MICAL2: variants seen among roughly 807,000 people sequenced by gnomAD.
The protein encoded by MICAL2 is [F-actin]-monooxygenase MICAL2.
In MICAL2, 77 loss-of-function variants were observed where a neutral mutation model predicts 127.3. The ratio of observed to expected loss-of-function variants is 0.60; its 90% CI spans 0.50 to 0.73. The LOEUF (loss-of-function observed/expected upper bound fraction) is 0.73. Among genes scored for constraint, MICAL2 ranks in the 30% least tolerant of loss-of-function variants. MICAL2 has a pLI of 0.00. For synonymous variants in MICAL2, 570 were observed against 551.1 expected (o/e 1.03, Z -0.48); for missense variants, 1,351 against 1,434.4 (o/e 0.94, Z 0.94).
At chr11:12,237,207 A>C (rs1268780865) in intron 16 of MICAL2, among the ~76,000 whole-genome samples, 1 of 152,242 alleles carries the variant, frequency 6.6e-6, no homozygotes, top group African/African-American at 2.4e-5. Flanking sequence ...CTGACAAAGA[A>C]AAACGAGTTC....
downstream of MICAL2, chr11:12,294,739 T>G (rs556800635): frequency 1.9e-6 from 3 of 1,613,376 alleles, no homozygotes; most frequent in South Asian, 1.1e-5. Context: ...CTGAAGATAG[T>G]GCGCAGGCCC....
chr11:12,114,337 A>G (rs1388371919), intron 1 of MICAL2, among the ~76,000 whole-genome samples: 4 of 152,242 alleles, frequency 2.6e-5, no homozygotes, highest in Non-Finnish European at 5.9e-5. Context: ...TAACAGAATT[A>G]ACTGTGCTTC....
At chr11:12,275,577 C>T (rs376582285), upstream of MICAL2, among the ~76,000 whole-genome samples, 25 of 152,244 alleles carry the variant, frequency 1.6e-4, no homozygotes, top group South Asian at 1.7e-3. Flanking sequence ...GTTTCTAGGA[C>T]GGAGTGACCA....
At chr11:12,300,352 A>G (rs1053922534) in intron 29 of MICAL2, among the ~76,000 whole-genome samples, 20 of 152,184 alleles carry the variant, frequency 1.3e-4, no homozygotes, top group African/African-American at 4.8e-4. Context: ...GATGGATTTC[A>G]TTTCATCCCA....
At chr11:12,337,708 T>C (rs1196089156) in intron 32 of MICAL2, among the ~76,000 whole-genome samples, 1 of 152,088 alleles carries the variant, frequency 6.6e-6, no homozygotes, top group Non-Finnish European at 1.5e-5. Flanking sequence ...CATTTCGTTA[T>C]GTACCCAGTA....
intron 3 of MICAL2, among the ~76,000 whole-genome samples, chr11:12,195,160 G>C (rs1176761587): frequency 1.3e-5 from 2 of 152,166 alleles, no homozygotes; most frequent in African/African-American, 4.8e-5. Context: ...GGGAGGTTGA[G>C]GTGGGAGGAT....
chr11:12,119,204 G>A (rs138810633), intron 1 of MICAL2, among the ~76,000 whole-genome samples: 1 of 152,274 alleles, frequency 6.6e-6, no homozygotes, highest in Non-Finnish European at 1.5e-5. Flanking sequence ...GGAGAGTGCT[G>A]TGGGCTGTTT....
intron 1 of MICAL2, among the ~76,000 whole-genome samples, chr11:12,135,619 G>A (rs1276825522): frequency 6.6e-6 from 1 of 152,238 alleles, no homozygotes; most frequent in Non-Finnish European, 1.5e-5. Context: ...TCACAGAGAT[G>A]ATGTGATTTG....
chr11:12,186,290 A>G (rs571312032), intron 3 of MICAL2, among the ~76,000 whole-genome samples: 5 of 152,294 alleles, frequency 3.3e-5, no homozygotes, highest in African/African-American at 9.6e-5. Context: ...GTTTGACTGA[A>G]TAACAGGCTA....
At chr11:12,213,119 C>T in intron 6 of MICAL2, 136 bp from the exon 7 acceptor site, 1 of 1,016,596 alleles carries the variant, frequency 9.8e-7, no homozygotes, top group Non-Finnish European at 1.4e-6. Flanking sequence ...TTTCTGCCCG[C>T]TCCTGTCCAC....
downstream of MICAL2, among the ~76,000 whole-genome samples, chr11:12,268,548 CG>C (rs1375422293): frequency 6.6e-6 from 1 of 152,174 alleles, no homozygotes; most frequent in Non-Finnish European, 1.5e-5. Context: ...CTGGAGGGTG[CG>C]GCCCCCATGC....
At chr11:12,153,519 C>T (rs1206373772) in intron 2 of MICAL2, among the ~76,000 whole-genome samples, 8 of 152,144 alleles carry the variant, frequency 5.3e-5, no homozygotes, top group Non-Finnish European at 1.0e-4. Context: ...CTGACTGCAA[C>T]CTCCACCTCC....
intron 3 of MICAL2, among the ~76,000 whole-genome samples, chr11:12,190,227 G>A (rs966798800): frequency 7.2e-5 from 11 of 152,280 alleles, no homozygotes; most frequent in Admixed American, 7.2e-4. Flanking sequence ...TATCTGGAAG[G>A]CCTCAAAGTT....
chr11:12,355,793 T>A (rs904071247), intron 34 of MICAL2, among the ~76,000 whole-genome samples: 2 of 152,190 alleles, frequency 1.3e-5, no homozygotes, highest in Non-Finnish European at 2.9e-5. Flanking sequence ...CTCCTGTTCT[T>A]TCCCATATGG....
intron 1 of MICAL2, among the ~76,000 whole-genome samples, chr11:12,134,420 C>T (rs1382291116): frequency 6.6e-6 from 1 of 152,190 alleles, no homozygotes; most frequent in African/African-American, 2.4e-5. Flanking sequence ...CCGTTCTCAA[C>T]CAGGAAGCAC....
chr11:12,268,975 G>A (rs1863641101), intron 24 of MICAL2, among the ~76,000 whole-genome samples: 1 of 152,086 alleles, frequency 6.6e-6, no homozygotes, highest in Non-Finnish European at 1.5e-5. Context: ...CTCCAGCCTC[G>A]GCGACGAGCG....
At chr11:12,327,544 C>T (rs1864368721) in intron 32 of MICAL2, among the ~76,000 whole-genome samples, 1 of 152,252 alleles carries the variant, frequency 6.6e-6, no homozygotes, top group Non-Finnish European at 1.5e-5. Flanking sequence ...TTCAGCCCCA[C>T]CTCTCCACTG....
At chr11:12,294,912 C>G (rs184972112), downstream of MICAL2, 198 of 1,407,988 alleles carry the variant, frequency 1.4e-4, no homozygotes, top group African/African-American at 2.5e-3. Context: ...AGTTAGTAAT[C>G]TTCATTGCAT....
At chr11:12,260,672 T>C (rs760045050) in intron 26 of MICAL2, 21 of 985,852 alleles carry the variant, frequency 2.1e-5, no homozygotes, top group Non-Finnish European at 2.4e-5. Context: ...AGGATACTTT[T>C]TACAACACGA....
Sources: gnomAD v4.1 joint callset for allele counts (sites outside exome capture counted in the v4.1 genomes callset) on GRCh38, gnomAD v4.1.1 for gene constraint, MANE v1.5 for transcripts, NCBI Gene and HGNC (gene_info 2026-07-23, HGNC 2026-07-21) for gene names.